Variants in DIS3L2 observed in about 807,000 individuals in gnomAD.
DIS3L2 encodes DIS3 like 3'-5' exoribonuclease 2.
DIS3L2 carries 34 observed loss-of-function variants against 97.5 expected under a neutral mutation model. That is an observed-to-expected ratio of 0.35 (90% CI 0.27 to 0.46). DIS3L2 has a LOEUF of 0.46. Among genes scored for constraint, DIS3L2 ranks in the 20% least tolerant of loss-of-function variants. The pLI, the probability that DIS3L2 is intolerant of heterozygous loss-of-function variation, is 1.00. For synonymous variants in DIS3L2, 435 were observed against 445.2 expected, an observed-to-expected ratio of 0.98 and a Z score of 0.29; for missense variants, 1,038 against 1,146.0, an observed-to-expected ratio of 0.91 and a Z score of 1.36.
rs1694637451 is a variant in DIS3L2 at position 232,292,888 on chromosome 2, G to A, written c.1660-7152G>A. 6.6e-6 allele frequency among the ~76,000 whole-genome samples: 1 copy of A among 152,152 alleles called. No homozygotes were observed. The highest frequency in any genetic ancestry group is 1.9e-4 in the East Asian group (1 of 5,186). On this transcript the variant is annotated intron_variant, in intron 13 of 20. Transcript: ENST00000325385. The surrounding 1 kb of genome is among the most constrained non-coding windows in gnomAD (Gnocchi z 4.4). ...TTCCTTCCCTCTTCACTCAATACCA[G>A]GACCGTTGTGCAGTTGGAAACTGTC... is the stretch of plus-strand genomic sequence containing the variant.
intron 6 of DIS3L2, among the ~76,000 whole-genome samples, chr2:232,110,940 C>T (rs1191411244): frequency 1.3e-5 from 2 of 151,918 alleles, no homozygotes; most frequent in Non-Finnish European, 2.9e-5. Context: ...ACTGCAAGAT[C>T]AACTTAGATT....
chr2:232,135,005 G>A (rs1354439030), intron 7 of DIS3L2, among the ~76,000 whole-genome samples: 2 of 152,168 alleles, frequency 1.3e-5, no homozygotes, highest in Admixed American at 6.5e-5. Context: ...AGCCTGTGGA[G>A]TGCAGCACTG....
chr2:232,137,918 G>A (rs1000025501), intron 8 of DIS3L2, among the ~76,000 whole-genome samples: 2 of 152,118 alleles, frequency 1.3e-5, no homozygotes, highest in Non-Finnish European at 2.9e-5. Flanking sequence ...AAGCTTGCCC[G>A]TTTCTCACCA....
chr2:232,303,815 T>C (rs905973057), intron 14 of DIS3L2, among the ~76,000 whole-genome samples: 1 of 152,154 alleles, frequency 6.6e-6, no homozygotes, highest in Non-Finnish European at 1.5e-5. Flanking sequence ...TGCCTGATAA[T>C]TTTGATCCTT....
intron 6 of DIS3L2, among the ~76,000 whole-genome samples, chr2:232,119,861 A>G (rs978362137): frequency 2.6e-5 from 4 of 152,156 alleles, no homozygotes; most frequent in Admixed American, 1.3e-4. Flanking sequence ...CAAAATATGT[A>G]CCACCTTTCT....
chr2:232,170,832 GAC>G (rs1690965000), intron 9 of DIS3L2, among the ~76,000 whole-genome samples: 2 of 152,254 alleles, frequency 1.3e-5, no homozygotes, highest in African/African-American at 4.8e-5. Flanking sequence ...GTTCCAAAGA[GAC>G]AGAAATTTCC....
intron 3 of DIS3L2, among the ~76,000 whole-genome samples, chr2:232,020,118 T>C (rs1023232857): frequency 6.6e-6 from 1 of 152,044 alleles, no homozygotes; most frequent in Non-Finnish European, 1.5e-5. Context: ...CAAAGGGAGT[T>C]ATATTATGGG....
At position 232,293,824 on chromosome 2, in the gene DIS3L2, G is replaced by A. The variant is rs961245568; in HGVS notation, c.1660-6216G>A. The stretch of plus-strand genomic sequence containing the variant: ...CGTCAAAGGTACTAAAGAGGGAAGT[G>A]TTACCAGGTTTATGCTTCAGGAAAA... On this transcript the variant is annotated intron_variant, in intron 13 of 20. Coordinates refer to ENST00000325385, the MANE Select transcript of DIS3L2 (RefSeq NM_152383.5). This position sits in a 1 kb window ranked among gnomAD's most constrained non-coding sequence, Gnocchi z 4.6. Among the ~76,000 whole-genome samples the A allele has an allele frequency of 6.6e-6, 1 of 152,248 alleles. No homozygotes were observed. Among genetic ancestry groups the A allele is most frequent in the East Asian group, 1.9e-4 (1 of 5,204 alleles).
Position 232,163,472 on chromosome 2 carries a change from A to G in DIS3L2, c.964A>G (p.Ser322Gly), listed in dbSNP as rs752637406. 68 of 1,613,812 alleles carry G rather than the reference A, an allele frequency of 4.2e-5. No homozygotes were observed. The highest frequency in any genetic ancestry group is 5.6e-5 in the Non-Finnish European group (66 of 1,179,912). Residue 322 changes from serine (S) to glycine (G), a missense_variant, in exon 9 of 21, where the codon AGT becomes GGT. This residue lies in a region of DIS3L2 where 813 missense variants were observed against 880.1 expected (regional missense o/e 0.92). Coordinates refer to ENST00000325385, the MANE Select transcript of DIS3L2 (RefSeq NM_152383.5). ...CNFALGQLAKSLGQAGEIEPE... is the reference protein window; with the variant it reads ...CNFALGQLAKGLGQAGEIEPE... ...TTCTATCCATAGGCAGCTGGCTAAG[A>G]GTCTTGGGCAGGCTGGTGAAATTGA...
At chr2:232,295,608 A>G (rs1299142168) in intron 13 of DIS3L2, among the ~76,000 whole-genome samples, 1 of 152,186 alleles carries the variant, frequency 6.6e-6, no homozygotes, top group East Asian at 1.9e-4. Context: ...AAACACCTTC[A>G]GTACACTCTC....
chr2:232,183,780 G>T (rs1264408956), intron 9 of DIS3L2, among the ~76,000 whole-genome samples: 1 of 152,192 alleles, frequency 6.6e-6, no homozygotes, highest in Non-Finnish European at 1.5e-5. Context: ...AAGGCTGTTT[G>T]CAGTGAACAA....
intron 7 of DIS3L2, among the ~76,000 whole-genome samples, chr2:232,133,987 C>A (rs200688364): frequency 9.7e-4 from 74 of 76,290 alleles, no homozygotes; most frequent in South Asian, 1.3e-3. Context: ...GACTCTGTCT[C>A]AAAAAAAAAA....
chr2:232,163,588 A>G lies in DIS3L2; in HGVS notation c.1080A>G (p.Pro360=). 1 of 1,614,082 alleles carries G rather than the reference A, an allele frequency of 6.2e-7. No individual in the cohort carries two copies. The highest frequency in any genetic ancestry group is 8.5e-7 in the Non-Finnish European group (1 of 1,180,008). ...EVLECLPQGL[P]WTIPPEEFSK... is the part of the protein sequence containing the mutation. Reference sequence around the variant, plus strand: ...TAGAATGTCTTCCTCAAGGCCTGCCATGGACAATTCCACCAGAGGAGTTCA... The same window carrying G: ...TAGAATGTCTTCCTCAAGGCCTGCCGTGGACAATTCCACCAGAGGAGTTCA... The change falls in exon 9 of 21, where the codon CCA becomes CCG. Residue 360 remains proline (P), a synonymous_variant. Transcript: ENST00000325385.
At chr2:232,159,138 T>G (rs940490933) in intron 8 of DIS3L2, among the ~76,000 whole-genome samples, 4 of 152,180 alleles carry the variant, frequency 2.6e-5, no homozygotes, top group South Asian at 4.1e-4. Context: ...AAGGAATTTA[T>G]TGGGAGGATA....
intron 13 of DIS3L2, among the ~76,000 whole-genome samples, chr2:232,280,695 T>C (rs1438748369): frequency 1.3e-5 from 2 of 151,534 alleles, no homozygotes; most frequent in East Asian, 3.9e-4. Context: ...GTGCAGCTAA[T>C]GTTTGATGGA....
chr2:232,051,588 G>A (rs3116239), intron 5 of DIS3L2, among the ~76,000 whole-genome samples: 83,385 of 151,326 alleles, frequency 0.55, 24,144 homozygotes, highest in East Asian at 0.69. Context: ...CGAGGCGGGC[G>A]GATCACGAGG....
chr2:232,309,749 G>T (rs1481588768), intron 14 of DIS3L2, among the ~76,000 whole-genome samples: 1 of 152,220 alleles, frequency 6.6e-6, no homozygotes, highest in African/African-American at 2.4e-5. Flanking sequence ...GACCTGGCCT[G>T]CATTAGGACC....
At chr2:232,007,497 G>A (rs1694085851) in intron 1 of DIS3L2, among the ~76,000 whole-genome samples, 1 of 152,240 alleles carries the variant, frequency 6.6e-6, no homozygotes, top group African/African-American at 2.4e-5. Context: ...CCCTGTGCCT[G>A]GCTAATTTTT....
chr2:232,343,841 T>C, exon 14 of DIS3L2: 1 of 394,284 alleles, frequency 2.5e-6, no homozygotes, highest in East Asian at 4.6e-5. Context: ...AGATTTTCCA[T>C]CTCCAGAGCT....
Sources: gnomAD v4.1 joint callset for allele counts (sites outside exome capture counted in the v4.1 genomes callset) on GRCh38, gnomAD v4.1.1 for gene constraint, gnomAD v4.1.1 regional missense constraint, Gnocchi (gnomAD v3.1) non-coding constraint, MANE v1.5 for transcripts, NCBI Gene and HGNC (gene_info 2026-07-23, HGNC 2026-07-21) for gene names.